Variants in RBFOX1 observed in about 807,000 individuals in gnomAD.
RBFOX1 encodes RNA binding protein fox-1 homolog 1.
A neutral mutation model predicts 57.7 loss-of-function variants in RBFOX1; 8 were observed. That is an observed-to-expected ratio of 0.14 (90% confidence interval 0.08 to 0.25). RBFOX1 has a LOEUF of 0.25. Among genes scored for constraint, RBFOX1 ranks in the 10% least tolerant of loss-of-function variants. The pLI is 1.00. For missense variants in RBFOX1, 611 were observed against 548.5 expected (o/e 1.11, Z -1.14); for synonymous variants, 326 against 222.4 (o/e 1.47, Z -4.15).
At chr16:5,497,859 G>T (rs1375678947) in intron 2 of RBFOX1, among the ~76,000 whole-genome samples, 1 of 152,200 alleles carries the variant, frequency 6.6e-6, no homozygotes. Context: ...TCAAAGGCTT[G>T]CAGGGAGGAT....
chr16:6,404,974 C>G (rs1211416689), intron 2 of RBFOX1, among the ~76,000 whole-genome samples: 1 of 152,152 alleles, frequency 6.6e-6, no homozygotes, highest in Non-Finnish European at 1.5e-5. Flanking sequence ...TCCCAAATAT[C>G]CTTTTAGAAC....
intron 3 of RBFOX1, among the ~76,000 whole-genome samples, chr16:5,856,195 A>ATATATATATATATATATATG (rs2057035426): frequency 1.7e-5 from 1 of 60,246 alleles, no homozygotes; most frequent in African/African-American, 5.6e-5. Context: ...CTCTATATAT[A>ATATATATATATATATATATG]TATATATATA....
In RBFOX1 at chr16:6,607,528, T is replaced by A. The variant is rs1195321034; in HGVS notation, c.-63-47075T>A. Among the ~76,000 whole-genome samples, 7 of 148,610 alleles carry A rather than the reference T, an allele frequency of 4.7e-5. No homozygotes were observed. The East Asian group carries it at 1.4e-3, about 30-fold the overall frequency. ...CCCTCTCTTCTCTCTCCTATCTATCTCCTCTCCCTCTTTCTTCCTCCTCTT... is the reference window on the plus strand; with the variant it reads ...CCCTCTCTTCTCTCTCCTATCTATCACCTCTCCCTCTTTCTTCCTCCTCTT... On this transcript the variant is annotated intron_variant, in intron 2 of 15. Transcript: ENST00000550418.
chr16:6,298,596 G>A (rs1366494019), intron 1 of RBFOX1, among the ~76,000 whole-genome samples: 1 of 152,078 alleles, frequency 6.6e-6, no homozygotes, highest in Non-Finnish European at 1.5e-5. Context: ...ATCCTAATGG[G>A]TTCAGTTAGC....
At chr16:6,467,375 C>T (rs1395070732) in intron 2 of RBFOX1, among the ~76,000 whole-genome samples, 3 of 151,878 alleles carry the variant, frequency 2.0e-5, no homozygotes, top group Non-Finnish European at 2.9e-5. Context: ...TAAAATAGTG[C>T]TTATTTTTAT....
intron 1 of RBFOX1, among the ~76,000 whole-genome samples, chr16:6,199,742 G>T (rs1256284930): frequency 6.6e-6 from 1 of 152,188 alleles, no homozygotes; most frequent in Non-Finnish European, 1.5e-5. Flanking sequence ...AACCAGTAAA[G>T]AAGTAGAACT....
At chr16:7,483,067 G>A (rs4787029) in intron 4 of RBFOX1, among the ~76,000 whole-genome samples, 29,140 of 152,058 alleles carry the variant, frequency 0.19, 3,153 homozygotes, top group East Asian at 0.4. Flanking sequence ...AGCCACCCTC[G>A]TCACTAAAAG....
At position 7,444,219 on chromosome 16, in the gene RBFOX1, C is replaced by T. The variant is rs192582752; in HGVS notation, c.28-73928C>T. On this transcript the variant is annotated intron_variant, in intron 4 of 15. Coordinates refer to ENST00000550418, the MANE Select transcript of RBFOX1 (RefSeq NM_018723.4). The stretch of plus-strand genomic sequence containing the variant: ...AGTCTCATGTAAATATCTTCTGGAG[C>T]TTACATGTGTAGTTATCTATGTTCT... 1.7e-3 allele frequency among the ~76,000 whole-genome samples: 257 copies of T among 152,328 alleles called. 1 individual carries two copies. The Middle Eastern group carries it at 0.024, about 14-fold the overall frequency.
At chr16:7,208,445 C>T (rs749134620) in intron 4 of RBFOX1, among the ~76,000 whole-genome samples, 4 of 152,106 alleles carry the variant, frequency 2.6e-5, no homozygotes, top group Non-Finnish European at 4.4e-5. Context: ...CATGCTGCTT[C>T]CACTCGTGGC....
intron 1 of RBFOX1, among the ~76,000 whole-genome samples, chr16:6,210,134 A>G (rs780981503): frequency 1.3e-5 from 2 of 151,814 alleles, no homozygotes; most frequent in Non-Finnish European, 2.9e-5. Flanking sequence ...CCTGGCCAAC[A>G]TGGTGAAACC....
At chr16:6,829,843 C>A (rs529427266) in intron 3 of RBFOX1, among the ~76,000 whole-genome samples, 6 of 152,186 alleles carry the variant, frequency 3.9e-5, no homozygotes, top group South Asian at 2.1e-4. Flanking sequence ...CTTAGGAGAT[C>A]TGCCTGCCTT....
chr16:7,355,657 A>T (rs1351245269), intron 4 of RBFOX1, among the ~76,000 whole-genome samples: 1 of 152,144 alleles, frequency 6.6e-6, no homozygotes, highest in Non-Finnish European at 1.5e-5. Flanking sequence ...CTATATTGTG[A>T]CGGCACACAA....
chr16:7,504,704 T>G, intron 4 of RBFOX1, among the ~76,000 whole-genome samples: 1 of 115,070 alleles, frequency 8.7e-6, no homozygotes, highest in African/African-American at 4.5e-5. Flanking sequence ...GGAGATGAAG[T>G]GAGATTATAT....
intron 2 of RBFOX1, among the ~76,000 whole-genome samples, chr16:5,500,662 A>G (rs533078709): frequency 3.5e-4 from 53 of 152,316 alleles, no homozygotes; most frequent in African/African-American, 1.1e-3. Flanking sequence ...CTCAGCCAGC[A>G]GCCTCAGTGT....
At chr16:6,017,276 G>A (rs565065146), upstream of RBFOX1, among the ~76,000 whole-genome samples, 6 of 152,300 alleles carry the variant, frequency 3.9e-5, no homozygotes, top group African/African-American at 1.4e-4. Context: ...GCACAAAACA[G>A]TATATTCCAA....
At chr16:6,994,282 T>A (rs191911689) in intron 3 of RBFOX1, among the ~76,000 whole-genome samples, 6 of 152,292 alleles carry the variant, frequency 3.9e-5, no homozygotes, top group African/African-American at 1.4e-4. Context: ...GCCTTCCGAC[T>A]TAATGAAGCC....
At chr16:6,192,546 GC>G (rs1349495660) in intron 1 of RBFOX1, among the ~76,000 whole-genome samples, 1 of 151,930 alleles carries the variant, frequency 6.6e-6, no homozygotes, top group Non-Finnish European at 1.5e-5. Context: ...TTAACTGACA[GC>G]TTTAATAAGG....
At position 7,654,473 on chromosome 16, in the gene RBFOX1, G is replaced by C. The variant is rs557018287; in HGVS notation, c.890+526G>C. Among the ~76,000 whole-genome samples the C allele has an allele frequency of 2.0e-5, 3 of 152,322 alleles. No homozygotes were observed. In the South Asian group the frequency reaches 6.2e-4, roughly 32 times the overall value. ...ACATACAAGAATTAATGAAATTGGA[G>C]TTAAGATGCGTTGCAGTTGCGTTTT... On this transcript the variant is annotated intron_variant, in intron 12 of 15. Coordinates refer to ENST00000550418, the MANE Select transcript of RBFOX1 (RefSeq NM_018723.4).
chr16:6,527,218 A>G (rs1294997121), intron 2 of RBFOX1, among the ~76,000 whole-genome samples: 1 of 152,034 alleles, frequency 6.6e-6, no homozygotes, highest in Non-Finnish European at 1.5e-5. Context: ...CTGACTCCAC[A>G]TTTCCCTTTC....
Sources: gnomAD v4.1 joint callset for allele counts (sites outside exome capture counted in the v4.1 genomes callset) on GRCh38, gnomAD v4.1.1 for gene constraint, MANE v1.5 for transcripts, NCBI Gene and HGNC (gene_info 2026-07-23, HGNC 2026-07-21) for gene names.